ANO2: variants seen among roughly 807,000 people sequenced by gnomAD.
ANO2 encodes the protein anoctamin 2.
A neutral mutation model predicts 124.2 loss-of-function variants in ANO2; 101 were observed. That is an observed-to-expected ratio of 0.81 (90% confidence interval 0.69 to 0.96). The LOEUF is 0.96. Among genes scored for constraint, ANO2 ranks in the 40% least tolerant of loss-of-function variants. ANO2 has a pLI of 0.00. For missense variants in ANO2, 1,293 were observed against 1,274.5 expected, an observed-to-expected ratio of 1.01 and a Z score of -0.22; for synonymous variants, 486 against 482.5, an observed-to-expected ratio of 1.01 and a Z score of -0.09.
At chr12:5,604,793 C>T (rs913030819) in intron 19 of ANO2, among the ~76,000 whole-genome samples, 4 of 152,012 alleles carry the variant, frequency 2.6e-5, no homozygotes, top group Non-Finnish European at 5.9e-5. Flanking sequence ...AACAGGAATC[C>T]TGGAAGTTGT....
chr12:5,600,460 T>C (rs1038159993), intron 19 of ANO2, among the ~76,000 whole-genome samples: 3 of 152,218 alleles, frequency 2.0e-5, no homozygotes, highest in African/African-American at 7.2e-5. Context: ...CATTCAGGAC[T>C]TTTTTGGTGT....
chr12:5,774,616 C>T (rs922933735), intron 10 of ANO2, among the ~76,000 whole-genome samples: 10 of 152,156 alleles, frequency 6.6e-5, no homozygotes, highest in Admixed American at 5.9e-4. Context: ...GCTAAAAGCT[C>T]ACGGGCAATG....
intron 14 of ANO2, among the ~76,000 whole-genome samples, chr12:5,691,683 C>G (rs1405326817): frequency 6.6e-6 from 1 of 151,994 alleles, no homozygotes; most frequent in African/African-American, 2.4e-5. Flanking sequence ...ACAGGCAGAT[C>G]CCTTGAGCCC....
At chr12:5,679,935 C>A (rs145829446) in intron 14 of ANO2, among the ~76,000 whole-genome samples, 1 of 152,146 alleles carries the variant, frequency 6.6e-6, no homozygotes, top group Admixed American at 6.5e-5. Context: ...GGTACAGATA[C>A]GCCATAGAAC....
At chr12:5,723,772 T>G (rs1347272727) in intron 14 of ANO2, among the ~76,000 whole-genome samples, 3 of 152,208 alleles carry the variant, frequency 2.0e-5, no homozygotes, top group Non-Finnish European at 4.4e-5. Flanking sequence ...ATTCCACTTT[T>G]GTGACACAGG....
chr12:5,599,151 T>C (rs2136881573), intron 20 of ANO2, among the ~76,000 whole-genome samples: 1 of 152,298 alleles, frequency 6.6e-6, no homozygotes, highest in South Asian at 2.1e-4. Flanking sequence ...CCCTTTCAGC[T>C]TTATCAATAA....
intron 16 of ANO2, among the ~76,000 whole-genome samples, chr12:5,617,726 CCA>C (rs1433101972): frequency 6.6e-6 from 1 of 152,254 alleles, no homozygotes; most frequent in Non-Finnish European, 1.5e-5. Context: ...TCACACTGTA[CCA>C]CACTCTCCGG....
intron 13 of ANO2, chr12:5,732,923 G>A (rs1950705414): frequency 6.2e-7 from 1 of 1,612,594 alleles, no homozygotes; most frequent in African/African-American, 1.3e-5. Context: ...AATGTTAACT[G>A]GATGGCTGAT....
At position 5,850,491 on chromosome 12, in the gene ANO2, CCT is replaced by C. The variant is rs57294051; in HGVS notation, c.633+3550_633+3551del. 8.3e-3 allele frequency among the ~76,000 whole-genome samples: 1,260 copies of C among 152,070 alleles called. 20 individuals are homozygous for C. Among genetic ancestry groups the C allele is most frequent in the African/African-American group, 0.027 (1,133 of 41,454 alleles). ...GGTAAAAGGAAGCCAAAACAGTCCCCCTGAGTCGAGTCTGGGACCAAGAAACT... is the reference window on the plus strand; with the variant it reads ...GGTAAAAGGAAGCCAAAACAGTCCCCGAGTCGAGTCTGGGACCAAGAAACT... On this transcript the variant is annotated intron_variant, in intron 4 of 24. Coordinates refer to ENST00000682330, the MANE Select transcript of ANO2 (RefSeq NM_001364791.2).
At chr12:5,927,929 C>G (rs1432368949) in intron 1 of ANO2, among the ~76,000 whole-genome samples, 1 of 152,152 alleles carries the variant, frequency 6.6e-6, no homozygotes, top group African/African-American at 2.4e-5. Flanking sequence ...GGGGCAGGCA[C>G]AGAATGTGGA....
Position 5,700,160 on chromosome 12 carries a change from C to T in ANO2, c.1545+32360G>A, listed in dbSNP as rs528146339. Among the ~76,000 whole-genome samples, 9 of 152,356 alleles carry T rather than the reference C, an allele frequency of 5.9e-5. No individual in the cohort carries two copies. The South Asian group carries it at 1.5e-3, about 25-fold the overall frequency. Reference sequence around the variant, plus strand: ...ACATTCTTCTCAGCACCACATTGTACTTATTCCAAAATTGACCACATAGTT... The same window carrying T: ...ACATTCTTCTCAGCACCACATTGTATTTATTCCAAAATTGACCACATAGTT... On this transcript the variant is annotated intron_variant, in intron 14 of 24. Transcript: ENST00000682330.
At chr12:5,614,432 A>G (rs1944694979) in intron 17 of ANO2, among the ~76,000 whole-genome samples, 1 of 152,184 alleles carries the variant, frequency 6.6e-6, no homozygotes, top group Non-Finnish European at 1.5e-5. Context: ...AGGGAAGGGC[A>G]TTGGAGATCG....
chr12:5,851,850 A>C (rs1954921378), intron 4 of ANO2: 1 of 694,618 alleles, frequency 1.4e-6, no homozygotes, highest in South Asian at 1.5e-5. Flanking sequence ...GAAAATAAGC[A>C]AGCGGAGGTT....
At chr12:5,611,695 G>T (rs1944556742) in intron 19 of ANO2, among the ~76,000 whole-genome samples, 1 of 152,180 alleles carries the variant, frequency 6.6e-6, no homozygotes, top group African/African-American at 2.4e-5. Flanking sequence ...TGGAAAGAAA[G>T]TGATTTTAAA....
At chr12:5,854,245 C>T (rs1301232656) in intron 3 of ANO2, 104 bp from the exon 4 acceptor site, 1 of 1,037,064 alleles carries the variant, frequency 9.6e-7, no homozygotes, top group African/African-American at 1.6e-5. Flanking sequence ...CGTTGTTCTT[C>T]AGTTTCTCGT....
intron 3 of ANO2, among the ~76,000 whole-genome samples, chr12:5,860,243 C>T (rs1955225015): frequency 6.6e-6 from 1 of 152,176 alleles, no homozygotes; most frequent in South Asian, 2.1e-4. Flanking sequence ...GAAGCCTCTT[C>T]CTGAGCCGTG....
At chr12:5,766,720 A>G (rs1237618962) in intron 10 of ANO2, among the ~76,000 whole-genome samples, 3 of 152,224 alleles carry the variant, frequency 2.0e-5, no homozygotes, top group Non-Finnish European at 4.4e-5. Context: ...GCATAGTCAC[A>G]TAATACGCAC....
rs77392190 is a variant in ANO2 at position 5,770,951 on chromosome 12, C to T, written c.1056-19981G>A. Among the ~76,000 whole-genome samples the T allele has an allele frequency of 4.9e-4, 75 of 152,292 alleles. No individual in the cohort carries two copies. The East Asian group carries it at 0.012, about 24-fold the overall frequency. On this transcript the variant is annotated intron_variant, in intron 10 of 24. Transcript: ENST00000682330. Reference sequence around the variant, plus strand: ...TCCATCTGCTCCAATGTCACCTCCTCAGAGAGGCCTTCTGTGATCACCCCA... The same window carrying T: ...TCCATCTGCTCCAATGTCACCTCCTTAGAGAGGCCTTCTGTGATCACCCCA...
At chr12:5,840,145 C>T (rs1209345648) in intron 4 of ANO2, among the ~76,000 whole-genome samples, 2 of 152,184 alleles carry the variant, frequency 1.3e-5, no homozygotes, top group Non-Finnish European at 2.9e-5. Context: ...TGGCGAGACA[C>T]ATGTTAGCCA....
Sources: gnomAD v4.1 joint callset for allele counts (sites outside exome capture counted in the v4.1 genomes callset) on GRCh38, gnomAD v4.1.1 for gene constraint, MANE v1.5 for transcripts, NCBI Gene and HGNC (gene_info 2026-07-23, HGNC 2026-07-21) for gene names.